Variants in ERC2 observed in about 807,000 individuals in gnomAD.
ERC2 encodes ERC protein 2.
Under a neutral mutation model 114.8 loss-of-function variants are expected in ERC2, and 42 were observed. The observed-to-expected ratio is 0.37, with a 90% CI of 0.29 to 0.47. The LOEUF is 0.47. Among genes scored for constraint, ERC2 ranks in the 20% least tolerant of loss-of-function variants. The pLI, the probability that ERC2 is intolerant of heterozygous loss-of-function variation, is 0.99. For missense variants in ERC2, 939 were observed against 1,150.7 expected, an observed-to-expected ratio of 0.82 and a Z score of 2.66; for synonymous variants, 454 against 425.5, an observed-to-expected ratio of 1.07 and a Z score of -0.82.
chr3:55,636,619 TG>T (rs1352111997), intron 17 of ERC2, among the ~76,000 whole-genome samples: 2 of 152,212 alleles, frequency 1.3e-5, no homozygotes, highest in African/African-American at 4.8e-5. Flanking sequence ...AAACTTTTCC[TG>T]TAAGGAGCCA....
intron 5 of ERC2, among the ~76,000 whole-genome samples, chr3:56,143,434 G>A (rs534364550): frequency 6.6e-6 from 1 of 152,266 alleles, no homozygotes; most frequent in Non-Finnish European, 1.5e-5. Context: ...TTGAATCATG[G>A]GGGAGGGGCC....
At chr3:55,903,779 T>C (rs757471417) in intron 13 of ERC2, among the ~76,000 whole-genome samples, 1 of 152,224 alleles carries the variant, frequency 6.6e-6, no homozygotes, top group Non-Finnish European at 1.5e-5. Context: ...CAGGCCACTT[T>C]CTCACTGGCA....
At chr3:55,999,635 T>C (rs376173838) in intron 10 of ERC2, among the ~76,000 whole-genome samples, 2 of 151,790 alleles carry the variant, frequency 1.3e-5, no homozygotes, top group African/African-American at 4.8e-5. Context: ...TCATTTACAA[T>C]AGCAACCTAA....
intron 1 of ERC2, among the ~76,000 whole-genome samples, chr3:56,443,958 A>ATTTTTT (rs11343406): frequency 0.38 from 29,651 of 79,046 alleles, 5,268 homozygotes; most frequent in Middle Eastern, 0.56. Context: ...AATACCTACA[A>ATTTTTT]TTTTTTTTTT....
chr3:56,175,841 AATTT>A (rs2082947269), intron 3 of ERC2, among the ~76,000 whole-genome samples: 1 of 152,176 alleles, frequency 6.6e-6, no homozygotes, highest in Non-Finnish European at 1.5e-5. Context: ...TTTTTAATAT[AATTT>A]ATTTAATTGT....
intron 6 of ERC2, among the ~76,000 whole-genome samples, chr3:56,134,230 C>T (rs2080364810): frequency 6.6e-6 from 1 of 152,140 alleles, no homozygotes; most frequent in African/African-American, 2.4e-5. Flanking sequence ...CCTTCCTTTA[C>T]TTATCTGCTT....
intron 17 of ERC2, among the ~76,000 whole-genome samples, chr3:55,552,280 G>A (rs1343133203): frequency 6.6e-6 from 1 of 152,136 alleles, no homozygotes; most frequent in African/African-American, 2.4e-5. Flanking sequence ...GGGGTTGGGG[G>A]CAGGGAAAAA....
intron 14 of ERC2, among the ~76,000 whole-genome samples, chr3:55,781,638 G>T (rs763008407): frequency 6.6e-6 from 1 of 151,928 alleles, no homozygotes; most frequent in African/African-American, 2.4e-5. Flanking sequence ...TTGGGAGGCC[G>T]AGGGGGGTGG....
chr3:55,967,196 C>G (rs952509151), intron 12 of ERC2, among the ~76,000 whole-genome samples: 2 of 152,114 alleles, frequency 1.3e-5, no homozygotes, highest in Non-Finnish European at 2.9e-5. Context: ...ATGGATAACT[C>G]TTTATTAAAT....
At chr3:55,948,761 A>G (rs2149440555) in intron 13 of ERC2, among the ~76,000 whole-genome samples, 1 of 152,352 alleles carries the variant, frequency 6.6e-6, no homozygotes, top group African/African-American at 2.4e-5. Flanking sequence ...AGAAAAGAAG[A>G]AATTACTATA....
intron 2 of ERC2, among the ~76,000 whole-genome samples, chr3:56,308,686 A>G (rs993692655): frequency 6.6e-6 from 1 of 152,204 alleles, no homozygotes; most frequent in African/African-American, 2.4e-5. Context: ...GGGAAAAAAC[A>G]AAAATGATAA....
intron 6 of ERC2, among the ~76,000 whole-genome samples, chr3:56,111,708 C>T (rs1448210545): frequency 1.3e-5 from 2 of 152,142 alleles, no homozygotes; most frequent in Non-Finnish European, 1.5e-5. Flanking sequence ...GCTGGTTTTA[C>T]CTAACTTTAC....
chr3:56,461,653 A>C (rs1231243207), intron 1 of ERC2, among the ~76,000 whole-genome samples: 2 of 152,246 alleles, frequency 1.3e-5, no homozygotes, highest in Non-Finnish European at 2.9e-5. Context: ...ATGATGCACA[A>C]ATAAAACATC....
At chr3:56,428,018 G>A (rs548062393) in intron 2 of ERC2, among the ~76,000 whole-genome samples, 1 of 152,258 alleles carries the variant, frequency 6.6e-6, no homozygotes, top group African/African-American at 2.4e-5. Context: ...GGAAATACTG[G>A]CTTTGAAGGA....
chr3:55,633,100 G>A (rs552490589), intron 17 of ERC2, among the ~76,000 whole-genome samples: 3 of 152,292 alleles, frequency 2.0e-5, no homozygotes, highest in African/African-American at 4.8e-5. Context: ...GTGGGCTTTT[G>A]TGAGCTCTAG....
At chr3:56,468,074 TC>T (rs1179703087) in intron 1 of ERC2, among the ~76,000 whole-genome samples, 173 bp downstream of exon 1, 2 of 147,746 alleles carry the variant, frequency 1.4e-5, no homozygotes, top group East Asian at 2.1e-4. Flanking sequence ...GCCCCATCCC[TC>T]CCCCCGCCCA....
In ERC2 at chr3:55,636,037, G is replaced by A. The variant is rs559695252; in HGVS notation, c.*39+47757C>T. Among the ~76,000 whole-genome samples, 11 of 151,726 alleles carry A rather than the reference G, an allele frequency of 7.2e-5. No homozygotes were observed. In the East Asian group the frequency reaches 7.8e-4, roughly 11 times the overall value. ...ATTACAGGACTGTGCCACCATGCCC[G>A]GCTAATTTTTATATCTTTAGTAGAG... is the stretch of plus-strand genomic sequence containing the variant. On this transcript the variant is annotated intron_variant, in intron 17 of 17. Transcript: ENST00000288221.
intron 2 of ERC2, among the ~76,000 whole-genome samples, chr3:56,346,240 A>G (rs1343869171): frequency 6.6e-6 from 1 of 152,242 alleles, no homozygotes; most frequent in Non-Finnish European, 1.5e-5. Context: ...TTTAGAGACT[A>G]AAATGACTAA....
At chr3:55,722,882 C>T (rs752203913) in intron 15 of ERC2, among the ~76,000 whole-genome samples, 5 of 152,234 alleles carry the variant, frequency 3.3e-5, no homozygotes, top group African/African-American at 1.2e-4. Flanking sequence ...TAAATATTTA[C>T]GAATGTCAAG....
Sources: allele counts gnomAD v4.1 joint callset (sites outside exome capture counted in the v4.1 genomes callset), GRCh38; gene constraint gnomAD v4.1.1; transcripts MANE v1.5; gene names NCBI Gene and HGNC (gene_info 2026-07-23, HGNC 2026-07-21).